CDH18: variants seen among roughly 807,000 people sequenced by gnomAD.
CDH18 encodes cadherin-18.
Under a neutral mutation model 67.9 loss-of-function variants are expected in CDH18, and 31 were observed. The ratio of observed to expected loss-of-function variants is 0.46; its 90% CI spans 0.34 to 0.62. The LOEUF is 0.62. CDH18 is among the 20% of genes least tolerant of loss of function. CDH18 has a pLI of 0.01. For synonymous variants in CDH18, 362 were observed against 347.2 expected (o/e 1.04, Z -0.48); for missense variants, 890 against 975.5 (o/e 0.91, Z 1.17).
intron 10 of CDH18, among the ~76,000 whole-genome samples, chr5:19,511,339 T>C (rs1745081455): frequency 6.6e-6 from 1 of 152,080 alleles, no homozygotes; most frequent in Admixed American, 6.6e-5. Flanking sequence ...TACAGTAAAT[T>C]GGTACCACGG....
At chr5:19,857,396 G>T (rs1784425946) in intron 2 of CDH18, among the ~76,000 whole-genome samples, 1 of 152,072 alleles carries the variant, frequency 6.6e-6, no homozygotes, top group Non-Finnish European at 1.5e-5. Context: ...TGACTTATTT[G>T]CATCTTAACT....
intron 1 of CDH18, among the ~76,000 whole-genome samples, chr5:20,407,958 G>A (rs7726276): frequency 0.45 from 68,395 of 151,680 alleles, 17,677 homozygotes; most frequent in Middle Eastern, 0.61. Flanking sequence ...CCACACTGTG[G>A]CACATCAATT....
intron 2 of CDH18, among the ~76,000 whole-genome samples, chr5:19,887,192 T>C (rs557429695): frequency 6.6e-6 from 1 of 151,748 alleles, no homozygotes; most frequent in South Asian, 2.1e-4. Flanking sequence ...CATTTACTTT[T>C]TCACATACAA....
intron 1 of CDH18, among the ~76,000 whole-genome samples, chr5:20,391,726 A>AT (rs1250900460): frequency 2.8e-4 from 43 of 152,164 alleles, no homozygotes; most frequent in African/African-American, 9.9e-4. Context: ...TCTGACATTG[A>AT]TGTGTAAAAC....
chr5:19,883,980 C>A (rs1787932142), intron 2 of CDH18, among the ~76,000 whole-genome samples: 1 of 151,966 alleles, frequency 6.6e-6, no homozygotes, highest in Non-Finnish European at 1.5e-5. Flanking sequence ...GTTTTACAGG[C>A]CATAAAGTGT....
intron 1 of CDH18, among the ~76,000 whole-genome samples, chr5:20,455,818 T>A (rs1750799889): frequency 6.6e-6 from 1 of 152,104 alleles, no homozygotes; most frequent in African/African-American, 2.4e-5. Flanking sequence ...TTGAATTATC[T>A]GTTCTACACA....
At chr5:20,224,782 C>T (rs1006107555) in intron 2 of CDH18, among the ~76,000 whole-genome samples, 1 of 151,850 alleles carries the variant, frequency 6.6e-6, no homozygotes, top group African/African-American at 2.4e-5. Flanking sequence ...TTTATTTTTT[C>T]TAATTTGCAA....
At chr5:19,747,905 G>A (rs1334372511) in intron 3 of CDH18, among the ~76,000 whole-genome samples, 1 of 150,944 alleles carries the variant, frequency 6.6e-6, no homozygotes, top group Non-Finnish European at 1.5e-5. Context: ...TCAGCAGATC[G>A]AGACCATCCT....
At chr5:20,102,544 T>A (rs1746565722) in intron 2 of CDH18, among the ~76,000 whole-genome samples, 1 of 152,190 alleles carries the variant, frequency 6.6e-6, no homozygotes, top group Admixed American at 6.5e-5. Context: ...AGAACCTGTG[T>A]CAGACTCTTG....
At chr5:19,532,222 C>G (rs1171963597) in intron 9 of CDH18, among the ~76,000 whole-genome samples, 1 of 151,886 alleles carries the variant, frequency 6.6e-6, no homozygotes, top group African/African-American at 2.4e-5. Context: ...TAACAAAGTT[C>G]TTTCCAATGA....
intron 11 of CDH18, among the ~76,000 whole-genome samples, chr5:19,496,561 C>A (rs1303150727): frequency 6.6e-6 from 1 of 152,016 alleles, no homozygotes; most frequent in Non-Finnish European, 1.5e-5. Context: ...ACCTGTAATT[C>A]CAGGATTTTG....
Position 19,999,505 on chromosome 5 carries a change from G to A in CDH18, c.-517-7491C>T, listed in dbSNP as rs1374880759. On this transcript the variant is annotated intron_variant, in intron 2 of 14. Coordinates refer to the CDH18 transcript ENST00000507958. Reference sequence around the variant, plus strand: ...TAATCCCAGCTACTCGGGAGGCTGAGGCAAGATAATCGCTTGAACCTGGCA... The same window carrying A: ...TAATCCCAGCTACTCGGGAGGCTGAAGCAAGATAATCGCTTGAACCTGGCA... Among the ~76,000 whole-genome samples the A allele has an allele frequency of 5.3e-5, 8 of 152,286 alleles. No individual in the cohort carries two copies. The East Asian group carries it at 1.2e-3, about 22-fold the overall frequency.
intron 2 of CDH18, among the ~76,000 whole-genome samples, chr5:20,145,076 T>C (rs1750534157): frequency 6.6e-6 from 1 of 152,158 alleles, no homozygotes; most frequent in African/African-American, 2.4e-5. Context: ...ACCCTGTTTG[T>C]GCTCTTTGCT....
intron 1 of CDH18, among the ~76,000 whole-genome samples, chr5:20,422,998 T>C (rs1033742450): frequency 4.6e-5 from 7 of 151,170 alleles, no homozygotes; most frequent in African/African-American, 1.7e-4. Context: ...CCTCCTCCCC[T>C]CTCTGGAGAG....
intron 2 of CDH18, among the ~76,000 whole-genome samples, chr5:20,026,527 A>G (rs1167481667): frequency 6.6e-6 from 1 of 152,176 alleles, no homozygotes; most frequent in Non-Finnish European, 1.5e-5. Context: ...CCCGCCATAT[A>G]GCAAAATATA....
At chr5:19,772,882 T>C (rs1773884074) in intron 3 of CDH18, among the ~76,000 whole-genome samples, 1 of 152,186 alleles carries the variant, frequency 6.6e-6, no homozygotes, top group African/African-American at 2.4e-5. Flanking sequence ...TGTAAATACA[T>C]TTTTGCATCT....
chr5:20,087,371 C>T (rs1230539584), intron 2 of CDH18, among the ~76,000 whole-genome samples: 1 of 152,018 alleles, frequency 6.6e-6, no homozygotes, highest in East Asian at 1.9e-4. Flanking sequence ...AACTTAGTTG[C>T]TAAAGCAGTG....
chr5:19,963,651 T>G (rs1269788588), intron 2 of CDH18, among the ~76,000 whole-genome samples: 1 of 152,120 alleles, frequency 6.6e-6, no homozygotes, highest in Admixed American at 6.5e-5. Context: ...ATAAGTTTCC[T>G]GAGGCCTCCC....
intron 1 of CDH18, among the ~76,000 whole-genome samples, chr5:20,415,050 T>C (rs1308433546): frequency 6.6e-6 from 1 of 152,182 alleles, no homozygotes; most frequent in Non-Finnish European, 1.5e-5. Flanking sequence ...TGCAGCAGTA[T>C]GCATAGCAGC....
Sources: gnomAD v4.1 joint callset for allele counts (sites outside exome capture counted in the v4.1 genomes callset) on GRCh38, gnomAD v4.1.1 for gene constraint, MANE v1.5 for transcripts, NCBI Gene and HGNC (gene_info 2026-07-23, HGNC 2026-07-21) for gene names.